Variants in SURF4 observed in about 807,000 individuals in gnomAD.
The protein encoded by SURF4 is surfeit locus protein 4.
Under a neutral mutation model 30.0 loss-of-function variants are expected in SURF4, and 3 were observed. The ratio of observed to expected loss-of-function variants is 0.10; its 90% CI spans 0.05 to 0.26. The LOEUF (loss-of-function observed/expected upper bound fraction) is 0.26. Ranked by LOEUF, SURF4 falls within the 10% of genes least tolerant of loss-of-function variation. The pLI, the probability that SURF4 is intolerant of heterozygous loss-of-function variation, is 1.00. For synonymous variants in SURF4, 143 were observed against 139.9 expected, an observed-to-expected ratio of 1.02 and a Z score of -0.16; for missense variants, 217 against 350.8, an observed-to-expected ratio of 0.62 and a Z score of 3.05.
At chr9:133,376,150 C>T, upstream of SURF4, 2 of 1,209,860 alleles carry the variant, frequency 1.7e-6, no homozygotes, top group Non-Finnish European at 2.1e-6. Flanking sequence ...CCGCCCGGGC[C>T]CGCCCCGGTG....
At chr9:133,373,804 C>T (rs1837658702) in intron 1 of SURF4, among the ~76,000 whole-genome samples, 1 of 143,640 alleles carries the variant, frequency 7.0e-6, no homozygotes, top group African/African-American at 2.6e-5. Context: ...CCTGTAATCC[C>T]AGCTACTTCG....
chr9:133,363,696 G>C lies in SURF4; in HGVS notation c.607C>G (p.Leu203Val), dbSNP rs2130090855. ...CACACAACAAGAGTCAAAGCAGCCA[G>C]CTTGGTTTTAAAACCAATGGCCACT... is the stretch of plus-strand genomic sequence containing the variant. ...ILVAIGFKTK[L>V]AALTLVVWLF... The change falls in exon 6 of 6, where the codon CTG becomes GTG. Residue 203 changes from leucine to valine, a missense_variant. Coordinates refer to ENST00000371989, the MANE Select transcript of SURF4 (RefSeq NM_033161.4). This position sits in a 1 kb window ranked among gnomAD's most constrained non-coding sequence, Gnocchi z 4.3. 8.7e-6 allele frequency: 14 copies of C among 1,614,110 alleles called. No homozygotes were observed. The African/African-American group carries it at 1.5e-4, about 17-fold the overall frequency.
At chr9:133,372,054 T>C (rs1837539177) in intron 1 of SURF4, among the ~76,000 whole-genome samples, 1 of 152,322 alleles carries the variant, frequency 6.6e-6, no homozygotes, top group East Asian at 1.9e-4. Flanking sequence ...TAATAGGCAA[T>C]GAGGAGCAGC....
Position 133,363,270 on chromosome 9 carries a change from G to C in SURF4, c.*223C>G. 1 of 776,120 alleles carries C rather than the reference G, an allele frequency of 1.3e-6. No individual in the cohort carries two copies. 48.1% of individuals were successfully genotyped at this position (776,120 alleles called of 1,614,324 possible). ...CGTGGGGGAGGCTTCCAGCTGCCAG[G>C]CTGGCCTGCACTGAAGGGTCAGACG... is the stretch of plus-strand genomic sequence containing the variant. On this transcript the variant is annotated 3_prime_UTR_variant, in exon 6 of 6. Coordinates refer to ENST00000371989, the MANE Select transcript of SURF4 (RefSeq NM_033161.4). This position sits in a 1 kb window ranked among gnomAD's most constrained non-coding sequence, Gnocchi z 4.3.
chr9:133,366,611 G>A lies in SURF4; in HGVS notation c.300C>T (p.Ile100=). The change falls in exon 3 of 6, where the codon ATC becomes ATT. Residue 100 remains isoleucine (I), a synonymous_variant. Coordinates refer to ENST00000371989, the MANE Select transcript of SURF4 (RefSeq NM_033161.4). ...VQYACFGLFG[I]IALQTIAYSI... ...GCGGCCCGTGTACCTGCAGAGCTATGATTCCAAAGAGCCCGAAGCAGGCGT... is the reference window on the plus strand; with the variant it reads ...GCGGCCCGTGTACCTGCAGAGCTATAATTCCAAAGAGCCCGAAGCAGGCGT... The A allele has an allele frequency of 6.2e-7, 1 of 1,613,964 alleles. No homozygotes were observed. Among genetic ancestry groups the A allele is most frequent in the Non-Finnish European group, 8.5e-7 (1 of 1,180,010 alleles).
intron 1 of SURF4, among the ~76,000 whole-genome samples, chr9:133,374,805 C>T (rs1588724501): frequency 6.7e-6 from 1 of 149,530 alleles, no homozygotes. Context: ...TTACTCTTTT[C>T]TTTTTTTTTT....
rs1415295516 is a variant in SURF4, at chr9:133,361,732, A to AGAACTGGTGCT, written c.*1750_*1760dup. ...ACTAGGACGGAGGCGCTGCTGGTGC[A>AGAACTGGTGCT]GAACTGGTGCTGACTGCTCACGTGG... is the stretch of plus-strand genomic sequence containing the variant. On this transcript the variant is annotated 3_prime_UTR_variant, in exon 6 of 6. Coordinates refer to ENST00000371989, the MANE Select transcript of SURF4 (RefSeq NM_033161.4). 2 of 153,422 alleles carry AGAACTGGTGCT rather than the reference A, an allele frequency of 1.3e-5. No individual in the cohort carries two copies. Among genetic ancestry groups the AGAACTGGTGCT allele is most frequent in the African/African-American group, 4.8e-5 (2 of 41,446 alleles). 9.5% of individuals were successfully genotyped at this position (153,422 alleles called of 1,614,324 possible). A position where few individuals can be genotyped will look rare whatever the true frequency, so the allele number is the denominator to read the frequency against.
upstream of SURF4, chr9:133,376,537 G>T: frequency 6.2e-7 from 1 of 1,600,118 alleles, no homozygotes; most frequent in Non-Finnish European, 8.5e-7. Flanking sequence ...AGGGTCCCCC[G>T]GAGAGCCCAT....
intron 4 of SURF4, 24 bp from the exon 5 acceptor site, chr9:133,365,050 G>C (rs2130113230): frequency 6.6e-7 from 1 of 1,505,410 alleles, no homozygotes; most frequent in Admixed American, 2.1e-5. Flanking sequence ...ATGTGGGCTG[G>C]AAGCTAAGCC....
chr9:133,376,039 C>G lies in SURF4; in HGVS notation c.-70G>C, dbSNP rs1037076151. 11 of 1,214,146 alleles carry G rather than the reference C, an allele frequency of 9.1e-6. No individual in the cohort carries two copies. Among genetic ancestry groups the G allele is most frequent in the Non-Finnish European group, 1.1e-5 (11 of 975,816 alleles). The allele number at this position is 1,214,146 out of a possible 1,614,324, so 75.2% of individuals were successfully genotyped here. On this transcript the variant is annotated 5_prime_UTR_variant, in exon 1 of 6. Transcript: ENST00000371989. ...GCTCTCGCCCGTCGGCGCCCGCACC[C>G]GCTGCGGCCTCCACAGGAAGTGCCC...
At chr9:133,376,370 G>C (rs587658394), upstream of SURF4, 1 of 1,401,694 alleles carries the variant, frequency 7.1e-7, no homozygotes, top group Non-Finnish European at 9.4e-7. Flanking sequence ...ACGCCTGAGT[G>C]CCTCGAGGGC....
chr9:133,364,690 CAAAAA>C (rs587654637), intron 5 of SURF4, 145 bp downstream of exon 5: 57 of 481,120 alleles, frequency 1.2e-4, no homozygotes, highest in African/African-American at 2.9e-4. Context: ...GACTCCGTCT[CAAAAA>C]AAAAAAAAAA....
Position 133,375,905 on chromosome 9 carries a change from G to A in SURF4, c.48+17C>T, listed in dbSNP as rs1029811403. ...TGGGTCGGGACCGGGGCCGGGGGAG[G>A]AGCCCGCAGGCCGCACCTGGTCGGC... On this transcript the variant is annotated intron_variant, in intron 1 of 5. Transcript: ENST00000371989. The A allele has an allele frequency of 1.6e-6, 2 of 1,224,170 alleles. No individual in the cohort carries two copies. Among genetic ancestry groups the A allele is most frequent in the African/African-American group, 1.6e-5 (1 of 63,898 alleles). 75.8% of individuals were successfully genotyped at this position (1,224,170 alleles called of 1,614,324 possible).
chr9:133,376,045 G>C lies in SURF4; in HGVS notation c.-76C>G. On this transcript the variant is annotated 5_prime_UTR_variant, in exon 1 of 6. Transcript: ENST00000371989. The stretch of plus-strand genomic sequence containing the variant: ...GCCCGTCGGCGCCCGCACCCGCTGC[G>C]GCCTCCACAGGAAGTGCCCGGCGGC... 8.3e-7 allele frequency: 1 copy of C among 1,209,412 alleles called. No homozygotes were observed. The highest frequency in any genetic ancestry group is 1.0e-6 in the Non-Finnish European group (1 of 972,840). 74.9% of individuals were successfully genotyped at this position (1,209,412 alleles called of 1,614,324 possible). A position where few individuals can be genotyped will look rare whatever the true frequency, so the allele number is the denominator to read the frequency against.
intron 1 of SURF4, among the ~76,000 whole-genome samples, chr9:133,368,327 G>A (rs2130157127): frequency 2.5e-4 from 38 of 152,210 alleles, no homozygotes; most frequent in Non-Finnish European, 4.0e-4. Flanking sequence ...ACAGTTATCC[G>A]AAAATCTCCA....
At chr9:133,373,938 A>G (rs1274205824) in intron 1 of SURF4, among the ~76,000 whole-genome samples, 4 of 149,160 alleles carry the variant, frequency 2.7e-5, no homozygotes, top group Non-Finnish European at 1.5e-5. Context: ...AAAAAAAAGA[A>G]GAAGAAAACA....
chr9:133,368,148 C>T (rs1015312625), intron 1 of SURF4, among the ~76,000 whole-genome samples: 15 of 152,256 alleles, frequency 9.9e-5, no homozygotes, highest in Non-Finnish European at 2.9e-5. Context: ...AATGCCAAGA[C>T]TTGACCCCAG....
intron 1 of SURF4, among the ~76,000 whole-genome samples, chr9:133,372,861 C>T (rs1837584009): frequency 6.6e-6 from 1 of 152,248 alleles, no homozygotes; most frequent in African/African-American, 2.4e-5. Flanking sequence ...ACCCTGTTTA[C>T]TTGCCTGCAT....
upstream of SURF4, chr9:133,376,113 T>C (rs1364736575): frequency 2.5e-6 from 3 of 1,201,850 alleles, no homozygotes; most frequent in East Asian, 3.5e-5. Flanking sequence ...GGCTGCCACG[T>C]AGGCCAAGCC....
Sources: gnomAD v4.1 joint callset for allele counts (sites outside exome capture counted in the v4.1 genomes callset) on GRCh38, gnomAD v4.1.1 for gene constraint, Gnocchi (gnomAD v3.1) non-coding constraint, MANE v1.5 for transcripts, NCBI Gene and HGNC (gene_info 2026-07-23, HGNC 2026-07-21) for gene names.